CEP120: variants seen among roughly 807,000 people sequenced by gnomAD.
CEP120 encodes centrosomal protein of 120 kDa.
A neutral mutation model predicts 126.5 loss-of-function variants in CEP120; 113 were observed. That is an observed-to-expected ratio of 0.89 (90% confidence interval 0.77 to 1.04). CEP120 has a LOEUF of 1.04. Ranked by LOEUF, CEP120 falls within the 50% of genes least tolerant of loss-of-function variation. The pLI, the probability that CEP120 is intolerant of heterozygous loss-of-function variation, is 0.00. For synonymous variants in CEP120, 400 were observed against 394.3 expected (o/e 1.01, Z -0.17); for missense variants, 1,230 against 1,155.7 (o/e 1.06, Z -0.93).
At chr5:123,415,899 G>T in intron 3 of CEP120, 111 bp downstream of exon 3, 1 of 688,912 alleles carries the variant, frequency 1.5e-6, no homozygotes, top group Non-Finnish European at 2.5e-6. Flanking sequence ...ATTGGCTCAA[G>T]TCTATGACTG....
intron 15 of CEP120, among the ~76,000 whole-genome samples, chr5:123,378,018 A>G (rs1444011946): frequency 2.6e-5 from 4 of 152,146 alleles, no homozygotes; most frequent in African/African-American, 9.7e-5. Flanking sequence ...CATGTCTAAA[A>G]GACAATTTTC....
chr5:123,379,164 T>C (rs1771468667), intron 14 of CEP120, among the ~76,000 whole-genome samples: 1 of 152,084 alleles, frequency 6.6e-6, no homozygotes, highest in African/African-American at 2.4e-5. Flanking sequence ...AGAAAATGAA[T>C]TGACTAGGGA....
intron 17 of CEP120, among the ~76,000 whole-genome samples, chr5:123,369,259 C>A (rs1189804795): frequency 6.6e-6 from 1 of 151,900 alleles, no homozygotes; most frequent in African/African-American, 2.4e-5. Context: ...AAAACAATGT[C>A]CTAGGTTCTA....
chr5:123,378,294 C>A (rs1196890325), intron 15 of CEP120, 42 bp downstream of exon 15: 6 of 1,433,954 alleles, frequency 4.2e-6, no homozygotes, highest in Admixed American at 2.2e-5. Flanking sequence ...TTGCAATAAA[C>A]CCCTCTATGC....
chr5:123,380,954 T>C (rs1323781639), intron 14 of CEP120, among the ~76,000 whole-genome samples: 2 of 152,126 alleles, frequency 1.3e-5, no homozygotes, highest in Admixed American at 6.6e-5. Flanking sequence ...ATAGAGACTT[T>C]GAAATACTCT....
chr5:123,365,239 C>A (rs897656603), intron 17 of CEP120, among the ~76,000 whole-genome samples: 1 of 144,262 alleles, frequency 6.9e-6, no homozygotes, highest in Non-Finnish European at 1.5e-5. Context: ...ATAAAGAAAA[C>A]ACTAAAGTGA....
At chr5:123,418,811 G>A (rs1488692177) in intron 1 of CEP120, among the ~76,000 whole-genome samples, 6 of 152,082 alleles carry the variant, frequency 3.9e-5, no homozygotes, top group African/African-American at 1.4e-4. Context: ...TGGAACTCCT[G>A]ACTTCAGGTG....
intron 18 of CEP120, among the ~76,000 whole-genome samples, chr5:123,360,876 C>T (rs976221494): frequency 6.6e-6 from 1 of 151,734 alleles, no homozygotes; most frequent in African/African-American, 2.4e-5. Flanking sequence ...ATTCAGAACA[C>T]TGTTTACTTA....
chr5:123,377,637 A>G (rs1771333622), intron 15 of CEP120, 102 bp from the exon 16 acceptor site: 1 of 903,676 alleles, frequency 1.1e-6, no homozygotes. Context: ...GAGGATATTT[A>G]CAAATTTATT....
At chr5:123,358,505 T>C (rs896668816) in intron 18 of CEP120, 6 of 152,112 alleles carry the variant, frequency 3.9e-5, no homozygotes, top group Non-Finnish European at 7.4e-5. Context: ...GTGCTGCAAA[T>C]TGGCTTTTTA....
chr5:123,413,294 TA>T (rs1774184208), intron 3 of CEP120, among the ~76,000 whole-genome samples: 1 of 150,760 alleles, frequency 6.6e-6, no homozygotes. Flanking sequence ...ATAATAATAA[TA>T]AATAAATAAG....
chr5:123,388,659 T>G, intron 8 of CEP120, 53 bp from the exon 9 acceptor site: 2 of 1,393,824 alleles, frequency 1.4e-6, no homozygotes, highest in Non-Finnish European at 1.9e-6. Context: ...ACAGTTTCTC[T>G]TAAATTGTAC....
At chr5:123,395,923 CCGCCCTCCT>C (rs1346422830) in intron 5 of CEP120, among the ~76,000 whole-genome samples, 1 of 151,580 alleles carries the variant, frequency 6.6e-6, no homozygotes, top group Non-Finnish European at 1.5e-5. Context: ...ACCTCGTGAT[CCGCCCTCCT>C]CAGCCTCCCA....
At chr5:123,401,819 G>A (rs911811876) in intron 4 of CEP120, 39 of 1,413,878 alleles carry the variant, frequency 2.8e-5, no homozygotes, top group Non-Finnish European at 3.6e-5. Flanking sequence ...ACTTGTTCTT[G>A]AAGTCCTCCA....
At chr5:123,414,574 T>C (rs1408147485) in intron 3 of CEP120, among the ~76,000 whole-genome samples, 2 of 152,180 alleles carry the variant, frequency 1.3e-5, no homozygotes, top group Non-Finnish European at 2.9e-5. Context: ...GTTTAACTTT[T>C]TTCCCCCCTT....
At chr5:123,371,759 T>C (rs1364008792) in intron 17 of CEP120, among the ~76,000 whole-genome samples, 1 of 152,082 alleles carries the variant, frequency 6.6e-6, no homozygotes, top group Non-Finnish European at 1.5e-5. Context: ...TCCCACCCAC[T>C]GGTCTTCCGC....
chr5:123,347,780 G>A (rs981323668), intron 19 of CEP120, among the ~76,000 whole-genome samples: 1 of 151,928 alleles, frequency 6.6e-6, no homozygotes, highest in African/African-American at 2.4e-5. Flanking sequence ...CGAGTAGCTG[G>A]GACTATAGGC....
intron 4 of CEP120, among the ~76,000 whole-genome samples, chr5:123,408,467 A>G (rs953838996): frequency 6.6e-6 from 1 of 152,190 alleles, no homozygotes; most frequent in Non-Finnish European, 1.5e-5. Flanking sequence ...TATTAAAATA[A>G]TAATAAAGGA....
intron 17 of CEP120, among the ~76,000 whole-genome samples, chr5:123,371,966 G>T (rs1475678100): frequency 6.6e-6 from 1 of 152,062 alleles, no homozygotes; most frequent in East Asian, 1.9e-4. Flanking sequence ...TAAAATGCAA[G>T]AACACATATG....
Sources: gnomAD v4.1 joint callset for allele counts (sites outside exome capture counted in the v4.1 genomes callset) on GRCh38, gnomAD v4.1.1 for gene constraint, MANE v1.5 for transcripts, NCBI Gene and HGNC (gene_info 2026-07-23, HGNC 2026-07-21) for gene names.